The following EIF3H variants were observed in gnomAD, a reference collection of about 807,000 sequenced individuals.
EIF3H encodes the protein eukaryotic translation initiation factor 3 subunit H.
In EIF3H, 26 loss-of-function variants were observed where a neutral mutation model predicts 44.2. The ratio of observed to expected loss-of-function variants is 0.59; its 90% CI spans 0.43 to 0.82. The LOEUF (loss-of-function observed/expected upper bound fraction) is 0.82, where lower values mean the gene tolerates loss of function less well. EIF3H is among the 40% of genes least tolerant of loss of function. The pLI is 0.00. For synonymous variants in EIF3H, 166 were observed against 151.9 expected, an observed-to-expected ratio of 1.09 and a Z score of -0.68; for missense variants, 359 against 432.8, an observed-to-expected ratio of 0.83 and a Z score of 1.51.
At chr8:116,711,824 A>T (rs756631354) in intron 2 of EIF3H, among the ~76,000 whole-genome samples, 12 of 152,208 alleles carry the variant, frequency 7.9e-5, no homozygotes, top group Non-Finnish European at 1.5e-4. Context: ...TAATGCACTA[A>T]AACAAGTCCT....
chr8:116,751,238 A>G (rs1430926296), intron 1 of EIF3H, among the ~76,000 whole-genome samples: 2 of 151,726 alleles, frequency 1.3e-5, no homozygotes, highest in African/African-American at 4.8e-5. Context: ...AAAATAAAAT[A>G]AAATAAAATA....
At chr8:116,743,806 ACACAC>A (rs1563659996) in intron 1 of EIF3H, among the ~76,000 whole-genome samples, 170 of 17,156 alleles carry the variant, frequency 9.9e-3, no homozygotes, top group Middle Eastern at 0.029. Flanking sequence ...ATAAACACAC[ACACAC>A]ACACACACAC....
In EIF3H at chr8:116,726,167, T is replaced by C. The variant is rs1414971883; in HGVS notation, c.138A>G (p.Val46=). Residue 46 remains valine, a synonymous_variant, in exon 2 of 8, where the codon GTA becomes GTG. Transcript: ENST00000521861. ...VKQVQIDGLV[V]LKIIKHYQEE... is the part of the protein sequence containing the mutation. Reference sequence around the variant, plus strand: ...CTTGATAATGTTTGATTATCTTTAATACCACCTAAAACATACACACACAGA... The same window carrying C: ...CTTGATAATGTTTGATTATCTTTAACACCACCTAAAACATACACACACAGA... 6.2e-7 allele frequency: 1 copy of C among 1,613,580 alleles called. No homozygotes were observed. The highest frequency in any genetic ancestry group is 1.1e-5 in the South Asian group (1 of 91,024).
intron 2 of EIF3H, among the ~76,000 whole-genome samples, chr8:116,666,188 T>G (rs114624286): frequency 0.017 from 2,539 of 152,238 alleles, 65 homozygotes; most frequent in African/African-American, 0.057. Context: ...AAATAATGGG[T>G]GGTTTAATGT....
At chr8:116,655,562 C>T (rs1049076962) in intron 5 of EIF3H, among the ~76,000 whole-genome samples, 2 of 152,140 alleles carry the variant, frequency 1.3e-5, no homozygotes, top group African/African-American at 4.8e-5. Flanking sequence ...AAAAAGCCCT[C>T]CCTCTTGGGC....
intron 1 of EIF3H, among the ~76,000 whole-genome samples, chr8:116,735,399 T>C (rs143357962): frequency 5.3e-5 from 8 of 152,306 alleles, no homozygotes; most frequent in African/African-American, 9.6e-5. Context: ...CAAATGACTA[T>C]ACCTAGTCCC....
chr8:116,642,412 C>T lies in EIF3H; in HGVS notation c.*2594G>A, dbSNP rs1284253974. On this transcript the variant is annotated 3_prime_UTR_variant, in exon 8 of 8. Transcript: ENST00000521861. Reference sequence around the variant, plus strand: ...CAACTACATCTCAATTTCCAAGCTTCCAAAAATAGGTAAAAAAATTATTTT... The same window carrying T: ...CAACTACATCTCAATTTCCAAGCTTTCAAAAATAGGTAAAAAAATTATTTT... 1 of 151,884 alleles carries T rather than the reference C, an allele frequency of 6.6e-6. No individual in the cohort carries two copies. Among genetic ancestry groups the T allele is most frequent in the Non-Finnish European group, 1.5e-5 (1 of 67,988 alleles). 9.4% of individuals were successfully genotyped at this position (151,884 alleles called of 1,614,324 possible).
intron 2 of EIF3H, among the ~76,000 whole-genome samples, chr8:116,711,569 A>C (rs1814572553): frequency 6.6e-6 from 1 of 152,190 alleles, no homozygotes; most frequent in Non-Finnish European, 1.5e-5. Context: ...TCAAAAATGA[A>C]AATAAAATAC....
intron 1 of EIF3H, among the ~76,000 whole-genome samples, chr8:116,744,222 A>AC (rs1214127699): frequency 3.3e-5 from 5 of 151,690 alleles, no homozygotes; most frequent in Admixed American, 6.6e-5. Context: ...ATTAAAAAAA[A>AC]AAAAAACAAA....
At chr8:116,671,906 G>A (rs577351909) in intron 2 of EIF3H, among the ~76,000 whole-genome samples, 1 of 152,260 alleles carries the variant, frequency 6.6e-6, no homozygotes, top group African/African-American at 2.4e-5. Context: ...GAAAACAGAA[G>A]ATCTGAACTG....
chr8:116,734,398 T>A (rs1814999491), intron 1 of EIF3H: 1 of 455,512 alleles, frequency 2.2e-6, no homozygotes, highest in Non-Finnish European at 4.4e-6. Context: ...TTTTAATCTT[T>A]TAATAAAAAT....
chr8:116,658,000 T>C (rs773386161), intron 3 of EIF3H, among the ~76,000 whole-genome samples: 3 of 152,196 alleles, frequency 2.0e-5, no homozygotes, highest in Non-Finnish European at 4.4e-5. Context: ...AGTGAAACTT[T>C]TAGCAATAGG....
intron 1 of EIF3H, chr8:116,734,341 C>T (rs1364794171): frequency 2.2e-6 from 1 of 456,042 alleles, no homozygotes; most frequent in Admixed American, 2.3e-5. Context: ...AACAAGCCAT[C>T]AGCCCTATGA....
chr8:116,665,708 G>A (rs1813654712), intron 2 of EIF3H, among the ~76,000 whole-genome samples: 1 of 152,180 alleles, frequency 6.6e-6, no homozygotes. Flanking sequence ...GCTGCAACAT[G>A]GGACACCAGT....
chr8:116,642,857 A>G lies in EIF3H; in HGVS notation c.*2149T>C, dbSNP rs369696651. On this transcript the variant is annotated 3_prime_UTR_variant, in exon 8 of 8. Transcript: ENST00000521861. ...GTTTTCCTAAACAGTTTTTCCCACT[A>G]TGATTAATTCCCAAATCAAAAATTA... 2.6e-5 allele frequency: 4 copies of G among 152,336 alleles called. No homozygotes were observed. Among genetic ancestry groups the G allele is most frequent in the African/African-American group, 2.4e-5 (1 of 41,578 alleles). 9.4% of individuals were successfully genotyped at this position (152,336 alleles called of 1,614,324 possible).
At chr8:116,742,590 A>G (rs1815151066) in intron 1 of EIF3H, among the ~76,000 whole-genome samples, 2 of 152,202 alleles carry the variant, frequency 1.3e-5, no homozygotes, top group South Asian at 4.1e-4. Context: ...GTTAAGATCT[A>G]CCTTCTAACA....
chr8:116,737,561 G>A (rs1268906186), intron 1 of EIF3H, among the ~76,000 whole-genome samples: 1 of 152,062 alleles, frequency 6.6e-6, no homozygotes, highest in Admixed American at 6.5e-5. Flanking sequence ...GAGGCTGAAT[G>A]CAGGAGAATC....
At chr8:116,681,529 G>C (rs775940230) in intron 2 of EIF3H, among the ~76,000 whole-genome samples, 10 of 151,784 alleles carry the variant, frequency 6.6e-5, no homozygotes, top group Non-Finnish European at 1.3e-4. Context: ...AGCTGGGCGT[G>C]GTGGCACATG....
At chr8:116,755,341 C>T (rs796403625) in intron 1 of EIF3H, among the ~76,000 whole-genome samples, 3 of 152,294 alleles carry the variant, frequency 2.0e-5, no homozygotes, top group African/African-American at 7.2e-5. Flanking sequence ...CTAAATCCTT[C>T]TCGACACCTT....
Sources: gnomAD v4.1 joint callset for allele counts (sites outside exome capture counted in the v4.1 genomes callset) on GRCh38, gnomAD v4.1.1 for gene constraint, MANE v1.5 for transcripts, NCBI Gene and HGNC (gene_info 2026-07-23, HGNC 2026-07-21) for gene names.